FNBP1L: variants seen among roughly 807,000 people sequenced by gnomAD.
The protein encoded by FNBP1L is formin binding protein 1 like.
A neutral mutation model predicts 91.2 loss-of-function variants in FNBP1L; 36 were observed. The ratio of observed to expected loss-of-function variants is 0.39; its 90% CI spans 0.30 to 0.52. FNBP1L has a LOEUF of 0.52. Among genes scored for constraint, FNBP1L ranks in the 20% least tolerant of loss-of-function variants. FNBP1L has a pLI of 0.66. For missense variants in FNBP1L, 571 were observed against 732.1 expected (o/e 0.78, Z 2.54); for synonymous variants, 242 against 237.0 (o/e 1.02, Z -0.19).
At chr1:93,513,967 A>C (rs1004287927) in intron 2 of FNBP1L, among the ~76,000 whole-genome samples, 6 of 152,140 alleles carry the variant, frequency 3.9e-5, no homozygotes, top group African/African-American at 7.2e-5. Flanking sequence ...TTAGGAAAAG[A>C]GGAAGTCAAA....
rs1250822249 is a variant in FNBP1L, at chr1:93,547,313, TG to T, written c.1408-33del. On this transcript the variant is annotated intron_variant, in intron 13 of 16. Transcript: ENST00000271234. ...CTTATGAGCTTTTAAACATATTTAT[TG>T]AGCTCAGTTGTTTGCTTATTTTTTT... The T allele has an allele frequency of 1.1e-5, 16 of 1,444,020 alleles. 1 individual carries two copies. The East Asian group carries it at 4.0e-4, about 36-fold the overall frequency. The allele number at this position is 1,444,020 out of a possible 1,614,324, so 89.5% of individuals were successfully genotyped here. A position where few individuals can be genotyped will look rare whatever the true frequency, so the allele number is the denominator to read the frequency against.
chr1:93,497,997 T>G (rs1670325228), intron 1 of FNBP1L, among the ~76,000 whole-genome samples: 1 of 152,178 alleles, frequency 6.6e-6, no homozygotes, highest in Non-Finnish European at 1.5e-5. Flanking sequence ...AAAAATAATG[T>G]TCATTTCATT....
intron 1 of FNBP1L, among the ~76,000 whole-genome samples, chr1:93,491,909 CTT>C (rs546627132): frequency 6.6e-6 from 1 of 152,074 alleles, no homozygotes; most frequent in Non-Finnish European, 1.5e-5. Context: ...AAATTTAAAA[CTT>C]TAAAAAATGG....
At chr1:93,493,581 A>G (rs552762919) in intron 1 of FNBP1L, among the ~76,000 whole-genome samples, 2 of 152,042 alleles carry the variant, frequency 1.3e-5, no homozygotes, top group East Asian at 1.9e-4. Flanking sequence ...TCTGGTTTTG[A>G]CTATTGTAAG....
chr1:93,498,322 A>G (rs953519474), intron 1 of FNBP1L, among the ~76,000 whole-genome samples: 2 of 152,066 alleles, frequency 1.3e-5, no homozygotes, highest in African/African-American at 4.8e-5. Context: ...TTTTAGTTTC[A>G]GTTTGATGAA....
intron 1 of FNBP1L, among the ~76,000 whole-genome samples, chr1:93,468,576 A>G (rs1438251313): frequency 1.3e-5 from 2 of 152,168 alleles, no homozygotes; most frequent in East Asian, 3.9e-4. Context: ...GACCACAGGC[A>G]CGTGCCATGA....
chr1:93,516,606 C>A, intron 2 of FNBP1L, among the ~76,000 whole-genome samples: 1 of 152,106 alleles, frequency 6.6e-6, no homozygotes, highest in East Asian at 1.9e-4. Flanking sequence ...AGTTTGAGAT[C>A]GGCCTGACTG....
At position 93,551,222 on chromosome 1, in the gene FNBP1L, G is replaced by C. The variant is rs547447336; in HGVS notation, c.1810+117G>C. 14 of 1,390,866 alleles carry C rather than the reference G, an allele frequency of 1.0e-5. No individual in the cohort carries two copies. The East Asian group carries it at 3.0e-4, about 30-fold the overall frequency. The allele number at this position is 1,390,866 out of a possible 1,614,324, so 86.2% of individuals were successfully genotyped here. A position where few individuals can be genotyped will look rare whatever the true frequency, so the allele number is the denominator to read the frequency against. On this transcript the variant is annotated intron_variant, in intron 16 of 16. Coordinates refer to ENST00000271234, the MANE Select transcript of FNBP1L (RefSeq NM_001164473.3). ...TGAAAAAAATAAGGAAACTTAAAGG[G>C]CATCCAAGATTAATTGTTCACTATG...
intron 1 of FNBP1L, among the ~76,000 whole-genome samples, chr1:93,451,897 G>A (rs1385711373): frequency 1.3e-5 from 2 of 152,084 alleles, no homozygotes; most frequent in Admixed American, 6.6e-5. Context: ...TGATCCGCCC[G>A]CCTCGGCCTC....
rs1188754062 is a variant in FNBP1L at position 93,550,966 on chromosome 1, A to G, written c.1671A>G (p.Leu557=). 6.3e-7 allele frequency: 1 copy of G among 1,597,900 alleles called. No individual in the cohort carries two copies. The highest frequency in any genetic ancestry group is 1.8e-5 in the Admixed American group (1 of 56,896). The part of the protein sequence containing the change: ...YPFDGHNEGT[L]AMKEGEVLYI... ...ATCTAGGACATAATGAAGGTACTCT[A>G]GCAATGAAAGAAGGTGAAGTTCTCT... is the stretch of plus-strand genomic sequence containing the variant. Residue 557 remains leucine, a synonymous_variant, in exon 16 of 17, where the codon CTA becomes CTG. Coordinates refer to ENST00000271234, the MANE Select transcript of FNBP1L (RefSeq NM_001164473.3).
intron 1 of FNBP1L, among the ~76,000 whole-genome samples, chr1:93,488,882 G>A (rs916133373): frequency 1.3e-5 from 2 of 152,180 alleles, no homozygotes; most frequent in Non-Finnish European, 2.9e-5. Context: ...TGGTGAACAA[G>A]GAGTTACCTT....
At chr1:93,520,219 C>T (rs939417321) in intron 2 of FNBP1L, among the ~76,000 whole-genome samples, 3 of 152,108 alleles carry the variant, frequency 2.0e-5, no homozygotes, top group Admixed American at 2.0e-4. Context: ...TTGCATGGTG[C>T]TTAGCACATA....
At chr1:93,491,833 A>G (rs1392206958) in intron 1 of FNBP1L, among the ~76,000 whole-genome samples, 1 of 152,204 alleles carries the variant, frequency 6.6e-6, no homozygotes, top group African/African-American at 2.4e-5. Flanking sequence ...TTCTATTTTG[A>G]GTTTTAAATC....
intron 11 of FNBP1L, 118 bp from the exon 12 acceptor site, chr1:93,543,989 T>TACAA: frequency 1.7e-6 from 1 of 590,238 alleles, no homozygotes; most frequent in South Asian, 4.5e-5. Context: ...AGGGGTTGCT[T>TACAA]GAGGCAAATT....
At chr1:93,481,503 AAAT>A (rs1379125399) in intron 1 of FNBP1L, among the ~76,000 whole-genome samples, 7 of 152,322 alleles carry the variant, frequency 4.6e-5, no homozygotes, top group Admixed American at 2.6e-4. Flanking sequence ...TTATGGGATA[AAAT>A]AATAATAATC....
chr1:93,450,603 G>T (rs1668459930), intron 1 of FNBP1L, among the ~76,000 whole-genome samples: 1 of 152,134 alleles, frequency 6.6e-6, no homozygotes, highest in African/African-American at 2.4e-5. Flanking sequence ...ACTTCTAATG[G>T]ATTGTAATGT....
intron 1 of FNBP1L, among the ~76,000 whole-genome samples, chr1:93,474,481 A>G (rs1669424349): frequency 6.6e-6 from 1 of 152,222 alleles, no homozygotes; most frequent in African/African-American, 2.4e-5. Flanking sequence ...ATAAGTATTG[A>G]GCAAATTACT....
intron 2 of FNBP1L, among the ~76,000 whole-genome samples, chr1:93,515,522 C>G (rs985453076): frequency 1.3e-5 from 2 of 152,128 alleles, no homozygotes; most frequent in East Asian, 1.9e-4. Flanking sequence ...ACCCAAATGT[C>G]CAATAATGAT....
At position 93,448,897 on chromosome 1, in the gene FNBP1L, A is replaced by C. The variant is rs532091909; in HGVS notation, c.24+592A>C. Among the ~76,000 whole-genome samples the C allele has an allele frequency of 1.9e-3, 293 of 152,228 alleles. 2 individuals are homozygous for C. Among genetic ancestry groups the C allele is most frequent in the African/African-American group, 6.8e-3 (282 of 41,552 alleles). ...GGCCAGCCAGGCCCAGCCCACACGC[A>C]CATTTCTCTCTCCCTGCCTCAGTGC... On this transcript the variant is annotated intron_variant, in intron 1 of 16. Transcript: ENST00000271234.
Sources: allele counts gnomAD v4.1 joint callset (sites outside exome capture counted in the v4.1 genomes callset), GRCh38; gene constraint gnomAD v4.1.1; transcripts MANE v1.5; gene names NCBI Gene and HGNC (gene_info 2026-07-23, HGNC 2026-07-21).